The following UBN1 variants were observed in gnomAD, a reference collection of about 807,000 sequenced individuals.
UBN1 encodes the protein ubinuclein-1.
In UBN1, 17 loss-of-function variants were observed where a neutral mutation model predicts 108.5. The observed-to-expected ratio is 0.16, with a 90% confidence interval of 0.11 to 0.24. The LOEUF (loss-of-function observed/expected upper bound fraction) is 0.24, where lower values mean the gene tolerates loss of function less well. Ranked by LOEUF, UBN1 falls within the 10% of genes least tolerant of loss-of-function variation. The probability of loss-of-function intolerance (pLI) is 1.00; values close to 1 mark genes in which losing one functional copy is unlikely to be tolerated. For synonymous variants in UBN1, 726 were observed against 564.2 expected (o/e 1.29, Z -4.07); for missense variants, 1,595 against 1,394.4 (o/e 1.14, Z -2.29).
chr16:4,873,838 C>T (rs1414329134), intron 14 of UBN1, among the ~76,000 whole-genome samples: 1 of 152,212 alleles, frequency 6.6e-6, no homozygotes, highest in Admixed American at 6.5e-5. Context: ...ATTCTCATGC[C>T]ATGCCTTGGT....
Position 4,874,053 on chromosome 16 carries a change from A to G in UBN1, c.1801-158A>G, listed in dbSNP as rs114426806. On this transcript the variant is annotated intron_variant, in intron 14 of 17. Transcript: ENST00000262376. ...GATGAAGTCATGGCATCTAAAGTCA[A>G]GGCGGGCACAGCTCCTGCTCTGTCC... 3.6e-3 allele frequency among the ~76,000 whole-genome samples: 552 copies of G among 152,346 alleles called. 3 individuals are homozygous for G. The highest frequency in any genetic ancestry group is 3.8e-3 in the African/African-American group (159 of 41,592).
intron 2 of UBN1, among the ~76,000 whole-genome samples, chr16:4,853,941 A>G (rs2086673960): frequency 6.6e-6 from 1 of 152,192 alleles, no homozygotes; most frequent in Non-Finnish European, 1.5e-5. Context: ...TCAGGACCCC[A>G]GAAACCCTCC....
rs1567931493 is a variant in UBN1, at chr16:4,868,923, C to G, written c.1181+20C>G. The G allele has an allele frequency of 1.2e-6, 2 of 1,612,452 alleles. No individual in the cohort carries two copies. Among genetic ancestry groups the G allele is most frequent in the Non-Finnish European group, 1.7e-6 (2 of 1,179,048 alleles). On this transcript the variant is annotated intron_variant, in intron 8 of 17. Transcript: ENST00000262376. The stretch of plus-strand genomic sequence containing the variant: ...ATTAGAGTGAGTATCGTCTGTCTGT[C>G]TGTCTGTCTGTCTGTTTCTGCTATT...
chr16:4,853,162 A>T lies in UBN1; in HGVS notation c.245A>T (p.Asp82Val). ...AAGGTAAAAGGCCTTCAGCCTGGAG[A>T]TAAGGTACACCCCTTTGTTCCCAGA... is the stretch of plus-strand genomic sequence containing the variant. ...RGKVKGLQPGDKKKDLSDPFN... is the reference protein window; with the variant it reads ...RGKVKGLQPGVKKKDLSDPFN... The change falls in exon 2 of 18, where the codon GAT becomes GTT. Residue 82 changes from aspartate to valine, a missense_variant. Physicochemically the swap from Asp to Val is radical, Grantham distance 152. This residue lies in a region of UBN1 where 181 missense variants were observed against 157.3 expected (regional missense o/e 1.15). Transcript: ENST00000262376. 6.2e-7 allele frequency: 1 copy of T among 1,614,106 alleles called. No homozygotes were observed. Among genetic ancestry groups the T allele is most frequent in the Non-Finnish European group, 8.5e-7 (1 of 1,180,018 alleles).
In UBN1 at chr16:4,875,035, C is replaced by T; in HGVS notation, c.2625C>T (p.Thr875=). The T allele has an allele frequency of 6.2e-7, 1 of 1,613,988 alleles. No individual in the cohort carries two copies. The highest frequency in any genetic ancestry group is 8.5e-7 in the Non-Finnish European group (1 of 1,180,020). The change falls in exon 15 of 18, where the codon ACC becomes ACT. Residue 875 remains threonine, a synonymous_variant. Transcript: ENST00000262376. The stretch of plus-strand genomic sequence containing the variant: ...CCTCCAGCAGCAGCTCTCACAAGAC[C>T]CCAGCCTCGTCCTCTTCTGCCCTGA... ...LSASSSSSHK[T]PASSSSALSH...
rs1210545642 is a variant in UBN1, at chr16:4,852,986, G to T, written c.69G>T (p.Lys23Asn). The T allele has an allele frequency of 2.5e-6, 4 of 1,614,226 alleles. No individual in the cohort carries two copies. The highest frequency in any genetic ancestry group is 3.4e-6 in the Non-Finnish European group (4 of 1,180,048). ...CCCTGAATCCTGCGTTTTTGAAGAA[G>T]TCCCGGAAGGAGGAGGCTGGGGCAG... Reference protein sequence around the residue: ...PGSLNPAFLKKSRKEEAGAGE... With the variant: ...PGSLNPAFLKNSRKEEAGAGE... Residue 23 changes from lysine (K) to asparagine (N), a missense_variant, in exon 2 of 18, where the codon AAG (lysine) becomes AAT (asparagine). Coordinates refer to ENST00000262376, the MANE Select transcript of UBN1 (RefSeq NM_001079514.3).
intron 14 of UBN1, 123 bp downstream of exon 14, chr16:4,873,196 A>G: frequency 7.2e-7 from 1 of 1,391,856 alleles, no homozygotes; most frequent in East Asian, 2.4e-5. Flanking sequence ...GCTGCTCAGG[A>G]TGACATTCTT....
intron 1 of UBN1, among the ~76,000 whole-genome samples, chr16:4,851,962 A>T (rs1408349022): frequency 2.6e-5 from 4 of 152,268 alleles, no homozygotes; most frequent in African/African-American, 9.6e-5. Context: ...TAATTTATGT[A>T]TAATATCAAG....
chr16:4,877,310 C>T lies in UBN1; in HGVS notation c.3266-75C>T. 1.3e-6 allele frequency: 2 copies of T among 1,550,596 alleles called. No individual in the cohort carries two copies. Among genetic ancestry groups the T allele is most frequent in the Admixed American group, 1.8e-5 (1 of 54,966 alleles). On this transcript the variant is annotated intron_variant, in intron 16 of 17. Coordinates refer to ENST00000262376, the MANE Select transcript of UBN1 (RefSeq NM_001079514.3). The surrounding 1 kb of genome is among the most constrained non-coding windows in gnomAD (Gnocchi z 4.3). ...CTGGCAGGTTATCGGGGGCTTTTGGCTGCTGGAGCTGCTTTCCTGTTCCTG... is the reference window on the plus strand; with the variant it reads ...CTGGCAGGTTATCGGGGGCTTTTGGTTGCTGGAGCTGCTTTCCTGTTCCTG...
Position 4,871,267 on chromosome 16 carries a change from A to G in UBN1, c.1672A>G (p.Lys558Glu). 6.2e-7 allele frequency: 1 copy of G among 1,614,244 alleles called. No individual in the cohort carries two copies. Among genetic ancestry groups the G allele is most frequent in the Non-Finnish European group, 8.5e-7 (1 of 1,180,038 alleles). ...CVKGFLDAEV[K>E]PLWPKGWMQA... Reference sequence around the variant, plus strand: ...GAAGGGCTTTCTGGATGCGGAAGTCAAGCCCCTCTGGCCCAAAGGCTGGAT... The same window carrying G: ...GAAGGGCTTTCTGGATGCGGAAGTCGAGCCCCTCTGGCCCAAAGGCTGGAT... The change falls in exon 12 of 18, where the codon AAG becomes GAG. Residue 558 changes from lysine (K) to glutamate (E), a missense_variant. Lys to Glu is a moderately conservative substitution (Grantham distance 56). Around this residue, in one of 3 missense-constraint regions of UBN1, gnomAD observed 1,398 missense variants for 1,194.7 expected, o/e 1.17. Transcript: ENST00000262376.
chr16:4,857,002 T>C (rs2086843639), intron 2 of UBN1, among the ~76,000 whole-genome samples: 1 of 152,162 alleles, frequency 6.6e-6, no homozygotes, highest in Non-Finnish European at 1.5e-5. Flanking sequence ...CTGTCTACCT[T>C]GAAGTCTTAA....
At chr16:4,868,777 G>C (rs565994748) in intron 7 of UBN1, 56 bp from the exon 8 acceptor site, 2 of 1,576,654 alleles carry the variant, frequency 1.3e-6, no homozygotes, top group Admixed American at 1.7e-5. Context: ...GTGGGTGAGC[G>C]TAAGGGACAT....
chr16:4,867,495 A>T (rs1567927648), intron 7 of UBN1, among the ~76,000 whole-genome samples: 1 of 152,210 alleles, frequency 6.6e-6, no homozygotes, highest in Non-Finnish European at 1.5e-5. Flanking sequence ...TGCCTATACC[A>T]GGCGTTGACT....
chr16:4,879,368 A>G (rs1453183794), intron 17 of UBN1, among the ~76,000 whole-genome samples: 4 of 150,896 alleles, frequency 2.7e-5, no homozygotes, highest in Non-Finnish European at 5.9e-5. Flanking sequence ...GAACCCAGGA[A>G]TCAGAGGGTA....
chr16:4,861,300 C>T (rs1309738424), intron 7 of UBN1, among the ~76,000 whole-genome samples, 198 bp downstream of exon 7: 1 of 152,202 alleles, frequency 6.6e-6, no homozygotes, highest in African/African-American at 2.4e-5. Flanking sequence ...TTAGGCCTTT[C>T]TTGGTTTCTT....
intron 15 of UBN1, 28 bp downstream of exon 15, chr16:4,875,462 T>C: frequency 6.3e-7 from 1 of 1,579,928 alleles, no homozygotes; most frequent in South Asian, 1.2e-5. Flanking sequence ...CAGCCTGCCC[T>C]GCCCCACTCA....
intron 1 of UBN1, among the ~76,000 whole-genome samples, chr16:4,849,220 T>C (rs139985654): frequency 1.1e-3 from 175 of 152,286 alleles, no homozygotes; most frequent in Admixed American, 1.9e-3. Flanking sequence ...AATAAGAATA[T>C]ATTGCCTAAA....
At chr16:4,858,873 T>G in intron 4 of UBN1, 152 bp from the exon 5 acceptor site, 1 of 1,110,410 alleles carries the variant, frequency 9.0e-7, no homozygotes, top group South Asian at 1.5e-5. Context: ...CAAAACACCT[T>G]GTAGCTCAGA....
At chr16:4,861,151 A>G (rs773639227) in intron 7 of UBN1, 49 bp downstream of exon 7, 2 of 1,557,358 alleles carry the variant, frequency 1.3e-6, no homozygotes, top group Non-Finnish European at 1.7e-6. Context: ...GTTTGGGCAG[A>G]TTGCTGTTGG....
Sources: allele counts gnomAD v4.1 joint callset (sites outside exome capture counted in the v4.1 genomes callset), GRCh38; gene constraint gnomAD v4.1.1; regional missense constraint gnomAD v4.1.1; non-coding constraint Gnocchi (gnomAD v3.1); transcripts MANE v1.5; gene names NCBI Gene and HGNC (gene_info 2026-07-23, HGNC 2026-07-21).